The following CSMD1 variants were observed in gnomAD, a reference collection of about 807,000 sequenced individuals.
CSMD1 encodes the protein CUB and sushi domain-containing protein 1.
CSMD1 carries 213 observed loss-of-function variants against 417.5 expected under a neutral mutation model. That is an observed-to-expected ratio of 0.51 (90% CI 0.46 to 0.57). The LOEUF (loss-of-function observed/expected upper bound fraction) is 0.57, where lower values mean the gene tolerates loss of function less well. CSMD1 is among the 20% of genes least tolerant of loss of function. CSMD1 has a pLI of 0.00. For synonymous variants in CSMD1, 2,862 were observed against 1,736.8 expected (o/e 1.65, Z -16.11); for missense variants, 6,923 against 4,529.7 (o/e 1.53, Z -15.17).
chr8:4,180,382 A>T (rs894810482), intron 3 of CSMD1, among the ~76,000 whole-genome samples: 7 of 142,676 alleles, frequency 4.9e-5, no homozygotes, highest in Non-Finnish European at 9.0e-5. Context: ...AAAAATGAGA[A>T]CACATGGACA....
intron 1 of CSMD1, among the ~76,000 whole-genome samples, chr8:4,908,379 T>C (rs1045311178): frequency 6.6e-6 from 1 of 152,190 alleles, no homozygotes; most frequent in African/African-American, 2.4e-5. Context: ...ACCTTCTTGG[T>C]TCTGTAGTTT....
At chr8:4,060,958 G>A (rs1419299385) in intron 3 of CSMD1, among the ~76,000 whole-genome samples, 1 of 152,136 alleles carries the variant, frequency 6.6e-6, no homozygotes, top group East Asian at 1.9e-4. Context: ...TTGAAAGTGT[G>A]GAGGAAAGAG....
At chr8:4,827,731 T>G (rs1375095239) in intron 1 of CSMD1, among the ~76,000 whole-genome samples, 3 of 152,154 alleles carry the variant, frequency 2.0e-5, no homozygotes, top group African/African-American at 7.2e-5. Context: ...AAGAATGTGT[T>G]TTACTCCACT....
chr8:3,553,212 T>C (rs1302597925), intron 10 of CSMD1, among the ~76,000 whole-genome samples: 1 of 152,106 alleles, frequency 6.6e-6, no homozygotes, highest in African/African-American at 2.4e-5. Flanking sequence ...ACTTCATGGA[T>C]TTATGAGAAG....
intron 7 of CSMD1, among the ~76,000 whole-genome samples, chr8:3,662,527 T>A (rs1563246850): frequency 6.6e-6 from 1 of 152,216 alleles, no homozygotes; most frequent in South Asian, 2.1e-4. Flanking sequence ...TATAGTAGAA[T>A]GACTTAAAAT....
intron 3 of CSMD1, among the ~76,000 whole-genome samples, chr8:4,107,505 C>T (rs775890516): frequency 6.6e-6 from 1 of 152,148 alleles, no homozygotes; most frequent in African/African-American, 2.4e-5. Flanking sequence ...CGAAGAATTC[C>T]ATGTCTACAG....
chr8:4,500,148 C>G lies in CSMD1; in HGVS notation c.303-80083G>C, dbSNP rs79988920. 4.4e-3 allele frequency among the ~76,000 whole-genome samples: 591 copies of G among 132,978 alleles called. 3 individuals carry two copies. The highest frequency in any genetic ancestry group is 7.0e-3 in the African/African-American group (257 of 36,778). The allele number at this position is 132,978 out of a possible 152,430, so 87.2% of individuals were successfully genotyped here. ...ATGTCTCTGAAGAGGAGAAGTTATA[C>G]GAGGTGAAAAGTATAAAGAGGCTGG... On this transcript the variant is annotated intron_variant, in intron 2 of 69. Transcript: ENST00000635120.
At chr8:4,167,676 T>A (rs943739999) in intron 3 of CSMD1, among the ~76,000 whole-genome samples, 1 of 152,324 alleles carries the variant, frequency 6.6e-6, no homozygotes, top group East Asian at 1.9e-4. Context: ...AAGATATTGG[T>A]TATATGATCA....
intron 41 of CSMD1, chr8:3,127,934 G>GGAAGGAAGGAAGGAAGGAA: frequency 9.3e-6 from 1 of 107,224 alleles, no homozygotes; most frequent in African/African-American, 5.1e-5. Context: ...AAGGAAGGAA[G>GGAAGGAAGGAAGGAAGGAA]GGAAGGAAAG....
At chr8:4,707,340 G>T (rs1296081302) in intron 1 of CSMD1, among the ~76,000 whole-genome samples, 1 of 152,120 alleles carries the variant, frequency 6.6e-6, no homozygotes, top group Non-Finnish European at 1.5e-5. Flanking sequence ...TCACAAAGGA[G>T]AGCTGGGACA....
chr8:4,093,836 C>G (rs1235227347), intron 3 of CSMD1, among the ~76,000 whole-genome samples: 9 of 152,014 alleles, frequency 5.9e-5, no homozygotes, highest in Non-Finnish European at 1.2e-4. Context: ...TGGTGCATGC[C>G]TGTAATCCCA....
intron 5 of CSMD1, among the ~76,000 whole-genome samples, chr8:3,937,434 C>A (rs1810574429): frequency 6.6e-6 from 1 of 152,120 alleles, no homozygotes. Context: ...CAGCAACTAC[C>A]ACCCTGATCA....
chr8:3,119,882 T>C (rs1197122294), intron 41 of CSMD1, among the ~76,000 whole-genome samples: 2 of 152,138 alleles, frequency 1.3e-5, no homozygotes, highest in African/African-American at 4.8e-5. Flanking sequence ...AGTTTCAAAA[T>C]AGCATGAGGT....
chr8:4,745,718 A>G (rs879829756), intron 1 of CSMD1, among the ~76,000 whole-genome samples: 3 of 152,236 alleles, frequency 2.0e-5, no homozygotes, highest in Admixed American at 6.5e-5. Flanking sequence ...TCATTAACTT[A>G]GCATACTTTA....
intron 3 of CSMD1, among the ~76,000 whole-genome samples, chr8:4,345,639 C>T (rs761157424): frequency 2.6e-5 from 4 of 152,026 alleles, no homozygotes; most frequent in Non-Finnish European, 4.4e-5. Context: ...ATTACTGAAA[C>T]ACGGTTCAAA....
intron 4 of CSMD1, among the ~76,000 whole-genome samples, chr8:4,002,204 A>AGT (rs961932138): frequency 5.3e-5 from 8 of 150,568 alleles, no homozygotes; most frequent in South Asian, 2.1e-4. Context: ...GGTGCCTGTG[A>AGT]GTGTGTGTGT....
chr8:3,980,728 C>G (rs1813794619), intron 5 of CSMD1, among the ~76,000 whole-genome samples: 1 of 152,000 alleles, frequency 6.6e-6, no homozygotes. Context: ...AGTAAGAAGC[C>G]CCCACCCTTC....
At chr8:4,775,901 T>G (rs940554135) in intron 1 of CSMD1, among the ~76,000 whole-genome samples, 1 of 152,052 alleles carries the variant, frequency 6.6e-6, no homozygotes, top group East Asian at 1.9e-4. Flanking sequence ...AGAGGACAAG[T>G]TAGGGAGTGG....
chr8:4,360,179 C>T (rs749057682), intron 3 of CSMD1, among the ~76,000 whole-genome samples: 5 of 152,142 alleles, frequency 3.3e-5, no homozygotes, highest in African/African-American at 9.7e-5. Context: ...GTGACTGTCA[C>T]CGAGTAAACG....
Sources: gnomAD v4.1 joint callset for allele counts (sites outside exome capture counted in the v4.1 genomes callset) on GRCh38, gnomAD v4.1.1 for gene constraint, MANE v1.5 for transcripts, NCBI Gene and HGNC (gene_info 2026-07-23, HGNC 2026-07-21) for gene names.